The following PDE4D variants were observed in gnomAD, a reference collection of about 807,000 sequenced individuals.
PDE4D encodes 3',5'-cyclic-AMP phosphodiesterase 4D.
PDE4D carries 24 observed loss-of-function variants against 87.4 expected under a neutral mutation model. That is an observed-to-expected ratio of 0.27 (90% CI 0.20 to 0.39). The LOEUF (loss-of-function observed/expected upper bound fraction) is 0.39, where lower values mean the gene tolerates loss of function less well. Among genes scored for constraint, PDE4D ranks in the 10% least tolerant of loss-of-function variants. The pLI is 1.00. For missense variants in PDE4D, 714 were observed against 1,041.0 expected (o/e 0.69, Z 4.32); for synonymous variants, 384 against 383.2 (o/e 1.00, Z -0.02).
At chr5:59,221,026 AT>A (rs1752437137) in intron 1 of PDE4D, among the ~76,000 whole-genome samples, 1 of 152,118 alleles carries the variant, frequency 6.6e-6, no homozygotes, top group Admixed American at 6.6e-5. Context: ...TGCTTTGCAT[AT>A]ATTATCTCAT....
intron 2 of PDE4D, among the ~76,000 whole-genome samples, chr5:59,990,054 G>A (rs1762850533): frequency 6.6e-6 from 1 of 152,122 alleles, no homozygotes; most frequent in Admixed American, 6.5e-5. Context: ...AGTTTTACAG[G>A]TGAAGAAGTT....
rs1367942598 is a variant in PDE4D, at chr5:59,053,655, G to GT, written c.809-14685dup. On this transcript the variant is annotated intron_variant, in intron 5 of 14. Transcript: ENST00000340635. ...GTTGTTTTGTTTTTTGTTTTTTTTT[G>GT]TTGTTGTTTTTTTTTTTTGGCCAGG... 2.7e-3 allele frequency among the ~76,000 whole-genome samples: 205 copies of GT among 74,902 alleles called. 2 individuals are homozygous for GT. Among genetic ancestry groups the GT allele is most frequent in the Middle Eastern group, 8.2e-3 (1 of 122 alleles). The allele number at this position is 74,902 out of a possible 152,430, so 49.1% of individuals were successfully genotyped here. A position where few individuals can be genotyped will look rare whatever the true frequency, so the allele number is the denominator to read the frequency against.
intron 2 of PDE4D, among the ~76,000 whole-genome samples, chr5:60,065,374 T>G (rs575794520): frequency 6.6e-6 from 1 of 152,134 alleles, no homozygotes; most frequent in East Asian, 1.9e-4. Flanking sequence ...CATTCTATAT[T>G]ACATCTTATT....
chr5:59,947,412 G>A (rs543471802), intron 3 of PDE4D, among the ~76,000 whole-genome samples: 9 of 152,196 alleles, frequency 5.9e-5, no homozygotes, highest in South Asian at 2.1e-4. Context: ...TGGGCGGCCC[G>A]GGGGAGGTAG....
At chr5:59,211,605 CAA>C (rs1171037076) in intron 2 of PDE4D, among the ~76,000 whole-genome samples, 1 of 151,552 alleles carries the variant, frequency 6.6e-6, no homozygotes, top group African/African-American at 2.4e-5. Flanking sequence ...GCTTTTTTTT[CAA>C]AAGATTAAGC....
chr5:59,092,421 A>G (rs1768908688), intron 5 of PDE4D, among the ~76,000 whole-genome samples: 1 of 152,244 alleles, frequency 6.6e-6, no homozygotes, highest in Admixed American at 6.5e-5. Context: ...GACAGCATCT[A>G]TTAATCTGAA....
At chr5:59,622,369 T>C (rs1001187720) in intron 1 of PDE4D, among the ~76,000 whole-genome samples, 1 of 152,188 alleles carries the variant, frequency 6.6e-6, no homozygotes, top group Non-Finnish European at 1.5e-5. Flanking sequence ...GCCAGAGTTA[T>C]TACAGCATCA....
At chr5:59,162,568 A>G (rs10085037) in intron 5 of PDE4D, among the ~76,000 whole-genome samples, 56,249 of 151,498 alleles carry the variant, frequency 0.37, 11,132 homozygotes, top group Middle Eastern at 0.46. Flanking sequence ...GCTGGGTGTG[A>G]TGGCCCACAC....
intron 1 of PDE4D, among the ~76,000 whole-genome samples, chr5:59,837,700 T>C (rs140230439): frequency 2.2e-4 from 33 of 152,184 alleles, no homozygotes; most frequent in East Asian, 1.2e-3. Flanking sequence ...CAAAACTACA[T>C]AATTTTTGAG....
At chr5:60,184,686 A>G (rs1283282663) in intron 2 of PDE4D, among the ~76,000 whole-genome samples, 1 of 152,242 alleles carries the variant, frequency 6.6e-6, no homozygotes, top group African/African-American at 2.4e-5. Context: ...TGGTAACTCC[A>G]TAGAAAGAAT....
At chr5:59,427,605 A>T (rs1422406725) in intron 1 of PDE4D, among the ~76,000 whole-genome samples, 1 of 152,054 alleles carries the variant, frequency 6.6e-6, no homozygotes, top group East Asian at 1.9e-4. Flanking sequence ...AGGCCAAGGC[A>T]GGAGGGTCAT....
intron 3 of PDE4D, among the ~76,000 whole-genome samples, chr5:59,975,897 A>T (rs886997333): frequency 1.3e-5 from 2 of 152,222 alleles, no homozygotes; most frequent in African/African-American, 4.8e-5. Context: ...TCACAAGCCA[A>T]AGTGAGTTTG....
chr5:60,017,709 G>A (rs1005866814), intron 2 of PDE4D, among the ~76,000 whole-genome samples: 1 of 152,098 alleles, frequency 6.6e-6, no homozygotes, highest in Non-Finnish European at 1.5e-5. Flanking sequence ...GTGGGCATTT[G>A]GGTTGATTCC....
chr5:59,320,249 C>T (rs1393094267), intron 1 of PDE4D, among the ~76,000 whole-genome samples: 2 of 152,082 alleles, frequency 1.3e-5, no homozygotes, highest in Non-Finnish European at 2.9e-5. Flanking sequence ...GTGAGAAAAA[C>T]ACTAGCCAGA....
chr5:60,123,282 C>A (rs1778847802), intron 2 of PDE4D, among the ~76,000 whole-genome samples: 1 of 152,136 alleles, frequency 6.6e-6, no homozygotes, highest in Non-Finnish European at 1.5e-5. Flanking sequence ...TCTATTGGTA[C>A]CAATTTACTG....
intron 1 of PDE4D, among the ~76,000 whole-genome samples, chr5:59,244,773 C>T (rs1423655442): frequency 7.7e-6 from 1 of 130,344 alleles, no homozygotes; most frequent in African/African-American, 2.9e-5. Flanking sequence ...ATATATATGA[C>T]CATAAAAATG....
intron 5 of PDE4D, among the ~76,000 whole-genome samples, chr5:59,062,018 C>T (rs1763201466): frequency 6.6e-6 from 1 of 152,050 alleles, no homozygotes; most frequent in African/African-American, 2.4e-5. Context: ...GCAGCATCAC[C>T]AGCGTCCACT....
chr5:59,439,234 C>T (rs1797226648), intron 1 of PDE4D, among the ~76,000 whole-genome samples: 1 of 152,008 alleles, frequency 6.6e-6, no homozygotes, highest in African/African-American at 2.4e-5. Flanking sequence ...TGGCACACAC[C>T]TGTAATCCCA....
chr5:59,569,912 T>G (rs1821542875), intron 1 of PDE4D, among the ~76,000 whole-genome samples: 1 of 152,222 alleles, frequency 6.6e-6, no homozygotes, highest in Non-Finnish European at 1.5e-5. Flanking sequence ...CTCTTTATTT[T>G]GGGTTATTCT....
Sources: allele counts gnomAD v4.1 joint callset (sites outside exome capture counted in the v4.1 genomes callset), GRCh38; gene constraint gnomAD v4.1.1; transcripts MANE v1.5; gene names NCBI Gene and HGNC (gene_info 2026-07-23, HGNC 2026-07-21).